EPHA6: variants seen among roughly 807,000 people sequenced by gnomAD.
EPHA6 encodes ephrin type-A receptor 6.
In EPHA6, 50 loss-of-function variants were observed where a neutral mutation model predicts 112.0. The ratio of observed to expected loss-of-function variants is 0.45; its 90% CI spans 0.36 to 0.56. EPHA6 has a LOEUF of 0.56. Ranked by LOEUF, EPHA6 falls within the 20% of genes least tolerant of loss-of-function variation. EPHA6 has a pLI of 0.00. For synonymous variants in EPHA6, 529 were observed against 490.7 expected, an observed-to-expected ratio of 1.08 and a Z score of -1.03; for missense variants, 1,280 against 1,417.4, an observed-to-expected ratio of 0.90 and a Z score of 1.56.
chr3:96,870,803 G>A (rs1050932947), intron 2 of EPHA6, among the ~76,000 whole-genome samples: 1 of 151,912 alleles, frequency 6.6e-6, no homozygotes, highest in African/African-American at 2.4e-5. Flanking sequence ...TTTTCCAAAG[G>A]TGAAAATCAA....
At chr3:96,860,567 C>T (rs2035950843) in intron 1 of EPHA6, among the ~76,000 whole-genome samples, 1 of 151,846 alleles carries the variant, frequency 6.6e-6, no homozygotes, top group South Asian at 2.1e-4. Context: ...TGGAAAATGT[C>T]CAAAGCCCAT....
At chr3:97,405,309 T>C in intron 6 of EPHA6, 35 bp downstream of exon 6, 1 of 1,483,850 alleles carries the variant, frequency 6.7e-7, no homozygotes. Context: ...TAAAACTACA[T>C]ATATATGCAT....
At chr3:97,111,735 A>C (rs2047730111) in intron 3 of EPHA6, among the ~76,000 whole-genome samples, 1 of 152,020 alleles carries the variant, frequency 6.6e-6, no homozygotes, top group Non-Finnish European at 1.5e-5. Context: ...CTTATATCTT[A>C]ATAAAGCTTT....
At chr3:97,645,686 C>A (rs774534337) in intron 14 of EPHA6, among the ~76,000 whole-genome samples, 6 of 151,776 alleles carry the variant, frequency 4.0e-5, no homozygotes, top group African/African-American at 4.8e-5. Flanking sequence ...GAAAAGGATT[C>A]TTTGTTTTAT....
At chr3:97,584,515 T>C (rs1390074950) in intron 11 of EPHA6, among the ~76,000 whole-genome samples, 1 of 152,226 alleles carries the variant, frequency 6.6e-6, no homozygotes. Context: ...TTGCACCCAA[T>C]GGACCCTTCA....
At chr3:97,078,886 A>C (rs891896472) in intron 3 of EPHA6, among the ~76,000 whole-genome samples, 5 of 152,160 alleles carry the variant, frequency 3.3e-5, no homozygotes, top group African/African-American at 1.2e-4. Context: ...TTGAAATGAC[A>C]ACAAGGAGTT....
chr3:96,920,695 A>T (rs72916442), intron 2 of EPHA6, among the ~76,000 whole-genome samples: 2,050 of 152,078 alleles, frequency 0.013, 48 homozygotes, highest in African/African-American at 0.045. Flanking sequence ...ATGTATATAC[A>T]TTTTAGGATG....
chr3:97,001,016 T>TTATATATATATATATATATATA (rs1334953124), intron 3 of EPHA6, among the ~76,000 whole-genome samples: 20 of 83,284 alleles, frequency 2.4e-4, no homozygotes, highest in East Asian at 1.7e-3. Context: ...AGTCAGAAAT[T>TTATATATATATATATATATATA]GATATATATA....
intron 3 of EPHA6, among the ~76,000 whole-genome samples, chr3:97,036,544 T>G (rs1477953003): frequency 6.6e-6 from 1 of 152,010 alleles, no homozygotes; most frequent in African/African-American, 2.4e-5. Flanking sequence ...CTAAGTCAAT[T>G]GTTTTTTTCT....
intron 2 of EPHA6, among the ~76,000 whole-genome samples, chr3:96,970,238 TACACACACAC>T (rs370673260): frequency 4.2e-5 from 6 of 143,902 alleles, no homozygotes; most frequent in African/African-American, 1.0e-4. Context: ...TGCCTCTTCA[TACACACACAC>T]ACACACACAC....
intron 3 of EPHA6, among the ~76,000 whole-genome samples, chr3:97,141,441 G>C (rs1287817578): frequency 6.6e-6 from 1 of 151,888 alleles, no homozygotes; most frequent in East Asian, 1.9e-4. Flanking sequence ...CATAAAGCAA[G>C]CCTCAATAAA....
chr3:96,981,289 C>T (rs1251993704), intron 2 of EPHA6, among the ~76,000 whole-genome samples: 1 of 152,154 alleles, frequency 6.6e-6, no homozygotes, highest in Non-Finnish European at 1.5e-5. Flanking sequence ...AAGGCCTTTT[C>T]TGCATCTATT....
At chr3:97,050,329 G>T (rs1218050838) in intron 3 of EPHA6, among the ~76,000 whole-genome samples, 3 of 152,160 alleles carry the variant, frequency 2.0e-5, no homozygotes, top group Admixed American at 2.0e-4. Flanking sequence ...GTAAGAAGCA[G>T]ACATGCCAGA....
At chr3:97,550,501 A>C (rs569669552) in intron 11 of EPHA6, among the ~76,000 whole-genome samples, 28 of 152,330 alleles carry the variant, frequency 1.8e-4, no homozygotes, top group African/African-American at 6.3e-4. Context: ...TAATGAATCA[A>C]GGAGTTAATA....
intron 10 of EPHA6, among the ~76,000 whole-genome samples, chr3:97,528,981 C>T (rs1029643769): frequency 6.6e-6 from 1 of 152,104 alleles, no homozygotes; most frequent in African/African-American, 2.4e-5. Flanking sequence ...TGAGCAAGGT[C>T]TGCATTTCCA....
At position 97,253,518 on chromosome 3, in the gene EPHA6, C is replaced by T. The variant is rs142733941; in HGVS notation, c.1606+9231C>T. Among the ~76,000 whole-genome samples the T allele has an allele frequency of 4.5e-3, 678 of 152,156 alleles. 1 individual carries two copies. Among genetic ancestry groups the T allele is most frequent in the African/African-American group, 0.015 (631 of 41,536 alleles). Reference sequence around the variant, plus strand: ...TAAAATATAAAAGTGTTTTTCCCCTCGAAATAATTATTACAGAAATTGAAA... The same window carrying T: ...TAAAATATAAAAGTGTTTTTCCCCTTGAAATAATTATTACAGAAATTGAAA... On this transcript the variant is annotated intron_variant, in intron 5 of 17. Coordinates refer to ENST00000389672, the MANE Select transcript of EPHA6 (RefSeq NM_001080448.3).
At chr3:96,852,762 A>G (rs1018224966) in intron 1 of EPHA6, among the ~76,000 whole-genome samples, 2 of 152,130 alleles carry the variant, frequency 1.3e-5, no homozygotes, top group African/African-American at 4.8e-5. Context: ...AGATGCAGAT[A>G]ATAACTGCAT....
intron 11 of EPHA6, among the ~76,000 whole-genome samples, chr3:97,583,340 C>T (rs2093457058): frequency 6.6e-6 from 1 of 151,862 alleles, no homozygotes; most frequent in South Asian, 2.1e-4. Context: ...GAGATCGAGA[C>T]CATCCTGGCT....
intron 2 of EPHA6, among the ~76,000 whole-genome samples, chr3:96,956,948 G>T (rs373749778): frequency 2.0e-5 from 3 of 151,388 alleles, no homozygotes; most frequent in Admixed American, 6.6e-5. Context: ...CAGGAGAATC[G>T]CTTGAACCCA....
Sources: allele counts gnomAD v4.1 joint callset (sites outside exome capture counted in the v4.1 genomes callset), GRCh38; gene constraint gnomAD v4.1.1; transcripts MANE v1.5; gene names NCBI Gene and HGNC (gene_info 2026-07-23, HGNC 2026-07-21).